FRY: variants seen among roughly 807,000 people sequenced by gnomAD.
The protein encoded by FRY is protein furry homolog.
A neutral mutation model predicts 348.4 loss-of-function variants in FRY; 128 were observed. That is an observed-to-expected ratio of 0.37 (90% CI 0.32 to 0.43). FRY has a LOEUF of 0.43. Ranked by LOEUF, FRY falls within the 20% of genes least tolerant of loss-of-function variation. The probability of loss-of-function intolerance (pLI) is 1.00; values close to 1 mark genes in which losing one functional copy is unlikely to be tolerated. For missense variants in FRY, 2,736 were observed against 3,695.2 expected (o/e 0.74, Z 6.73); for synonymous variants, 1,370 against 1,374.7 (o/e 1.00, Z 0.08).
chr13:32,171,401 T>TC, intron 18 of FRY, 131 bp downstream of exon 18: 2 of 722,176 alleles, frequency 2.8e-6, no homozygotes, highest in Non-Finnish European at 4.4e-6. Flanking sequence ...AACCTCCACC[T>TC]CCTGGTTCAA....
At chr13:32,148,252 T>C (rs1880575395) in intron 13 of FRY, among the ~76,000 whole-genome samples, 1 of 152,220 alleles carries the variant, frequency 6.6e-6, no homozygotes. Context: ...CTCTGTTTTT[T>C]TCCTGTTTCT....
chr13:32,131,604 G>T, intron 7 of FRY, 68 bp from the exon 8 acceptor site: 1 of 1,057,360 alleles, frequency 9.5e-7, no homozygotes, highest in African/African-American at 1.6e-5. Context: ...ACTCCCAGAT[G>T]CTGGAGGCCC....
At chr13:32,175,737 T>A in intron 20 of FRY, 105 bp downstream of exon 20, 2 of 734,998 alleles carry the variant, frequency 2.7e-6, no homozygotes, top group South Asian at 1.5e-5. Flanking sequence ...TATGTCAGAT[T>A]AATAAACTGA....
intron 30 of FRY, 46 bp downstream of exon 30, chr13:32,202,086 G>A: frequency 8.9e-7 from 1 of 1,125,696 alleles, no homozygotes; most frequent in Non-Finnish European, 1.4e-6. Context: ...CTTGAGTACA[G>A]AAAATAGAAA....
intron 3 of FRY, among the ~76,000 whole-genome samples, chr13:32,116,939 G>A (rs1287849580): frequency 6.6e-6 from 1 of 152,124 alleles, no homozygotes; most frequent in African/African-American, 2.4e-5. Flanking sequence ...TTTATATCAT[G>A]TAAATTATTA....
chr13:32,158,847 G>A (rs1224770882), intron 16 of FRY, among the ~76,000 whole-genome samples: 1 of 151,046 alleles, frequency 6.6e-6, no homozygotes, highest in African/African-American at 2.4e-5. Context: ...GAACCCGGGA[G>A]GCAGAGATTG....
intron 31 of FRY, among the ~76,000 whole-genome samples, chr13:32,204,499 C>G (rs761820535): frequency 3.3e-5 from 5 of 152,216 alleles, no homozygotes; most frequent in African/African-American, 1.2e-4. Flanking sequence ...TGCTTTCTAC[C>G]TTTTCATTCA....
At chr13:32,110,125 G>A (rs1404469855) in intron 3 of FRY, among the ~76,000 whole-genome samples, 2 of 152,218 alleles carry the variant, frequency 1.3e-5, no homozygotes, top group Admixed American at 6.5e-5. Flanking sequence ...CATTTTCATA[G>A]TCGATGGACT....
intron 8 of FRY, among the ~76,000 whole-genome samples, chr13:32,134,608 A>T (rs569661756): frequency 6.6e-6 from 1 of 152,356 alleles, no homozygotes; most frequent in African/African-American, 2.4e-5. Context: ...TGAATGAATC[A>T]ACCAGTGACT....
chr13:32,241,239 A>G (rs751204029), intron 46 of FRY, among the ~76,000 whole-genome samples: 1 of 151,892 alleles, frequency 6.6e-6, no homozygotes, highest in Non-Finnish European at 1.5e-5. Context: ...GATAGCAAGG[A>G]GGTAACATTT....
At chr13:32,282,969 C>T (rs971452752) in intron 58 of FRY, among the ~76,000 whole-genome samples, 1 of 151,886 alleles carries the variant, frequency 6.6e-6, no homozygotes, top group African/African-American at 2.4e-5. Flanking sequence ...GGTGAAATAC[C>T]ATCTCTACTA....
chr13:32,160,897 C>T (rs1466281480), intron 16 of FRY, among the ~76,000 whole-genome samples: 1 of 152,140 alleles, frequency 6.6e-6, no homozygotes, highest in East Asian at 1.9e-4. Flanking sequence ...AAATTCAAGG[C>T]AAAATACTAT....
Position 32,202,410 on chromosome 13 carries a change from G to A in FRY, c.3901G>A (p.Gly1301Arg). 6.2e-7 allele frequency: 1 copy of A among 1,614,004 alleles called. No homozygotes were observed. The change falls in exon 31 of 61, where the codon GGA (glycine) becomes AGA (arginine). Residue 1301 changes from glycine to arginine, a missense_variant. By Grantham distance (125) the Gly-to-Arg change is moderately radical. Transcript: ENST00000542859. ...YSKKVAEQRP[G>R]SILYGTHGPL... ...AAAGAAAGTCGCTGAGCAAAGACCGGGAAGTATTCTCTATGGAACACACGG... is the reference window on the plus strand; with the variant it reads ...AAAGAAAGTCGCTGAGCAAAGACCGAGAAGTATTCTCTATGGAACACACGG...
intron 3 of FRY, among the ~76,000 whole-genome samples, chr13:32,108,210 A>G (rs1877700803): frequency 6.6e-6 from 1 of 152,172 alleles, no homozygotes; most frequent in South Asian, 2.1e-4. Flanking sequence ...GACAGTAAAT[A>G]TGCTGAGACT....
At chr13:32,193,225 G>A (rs1883458535) in intron 28 of FRY, among the ~76,000 whole-genome samples, 1 of 151,316 alleles carries the variant, frequency 6.6e-6, no homozygotes. Context: ...ATTAAAAAGA[G>A]TCTACTGAGA....
At chr13:32,096,488 T>C (rs1205580733) in intron 2 of FRY, among the ~76,000 whole-genome samples, 2 of 152,084 alleles carry the variant, frequency 1.3e-5, no homozygotes, top group African/African-American at 4.8e-5. Flanking sequence ...CTTCAAAGAA[T>C]ATGATTAAGA....
At chr13:32,032,043 CT>C (rs1165570110) in intron 1 of FRY, among the ~76,000 whole-genome samples, 178 bp downstream of exon 1, 1 of 136,878 alleles carries the variant, frequency 7.3e-6, no homozygotes, top group East Asian at 2.1e-4. Flanking sequence ...TTCTTTCTTT[CT>C]TTTTTTGCTC....
intron 2 of FRY, among the ~76,000 whole-genome samples, chr13:32,091,478 G>A (rs1237651377): frequency 6.6e-6 from 1 of 152,218 alleles, no homozygotes; most frequent in Non-Finnish European, 1.5e-5. Context: ...AATGAGATCT[G>A]ATGAGAAAAA....
chr13:32,294,970 G>C (rs1396812285), intron 60 of FRY, among the ~76,000 whole-genome samples: 8 of 151,994 alleles, frequency 5.3e-5, no homozygotes, highest in Admixed American at 5.2e-4. Flanking sequence ...TTATACTTTT[G>C]ATATTTTACC....
Sources: allele counts gnomAD v4.1 joint callset (sites outside exome capture counted in the v4.1 genomes callset), GRCh38; gene constraint gnomAD v4.1.1; transcripts MANE v1.5; gene names NCBI Gene and HGNC (gene_info 2026-07-23, HGNC 2026-07-21).